The following PRTFDC1 variants were observed in gnomAD, a reference collection of about 807,000 sequenced individuals.
The protein encoded by PRTFDC1 is phosphoribosyltransferase domain-containing protein 1.
A neutral mutation model predicts 34.6 loss-of-function variants in PRTFDC1; 38 were observed. The ratio of observed to expected loss-of-function variants is 1.10; its 90% CI spans 0.85 to 1.44. The LOEUF is 1.44. Ranked by LOEUF, PRTFDC1 falls within the 40% of genes most tolerant of loss-of-function variation. PRTFDC1 has a pLI of 0.00. For synonymous variants in PRTFDC1, 93 were observed against 98.1 expected (o/e 0.95, Z 0.31); for missense variants, 270 against 283.0 (o/e 0.95, Z 0.33).
rs181998575 is a variant in PRTFDC1, at chr10:24,870,491, T to C, written c.405+1507A>G. 2.9e-4 allele frequency among the ~76,000 whole-genome samples: 44 copies of C among 152,282 alleles called. No individual in the cohort carries two copies. The East Asian group carries it at 8.1e-3, about 28-fold the overall frequency. ...CAGACTCCATAGCAAAAGCACAAGG[T>C]AAACTATTTCTTTTGTGTAATAAAC... On this transcript the variant is annotated intron_variant, in intron 4 of 8. Transcript: ENST00000320152.
intron 8 of PRTFDC1, among the ~76,000 whole-genome samples, chr10:24,850,175 A>C (rs1847459569): frequency 6.6e-6 from 1 of 152,210 alleles, no homozygotes; most frequent in Admixed American, 6.5e-5. Context: ...TGCTAGAAAC[A>C]GAAGTCTCCT....
At chr10:24,926,515 A>G (rs1848877366) in intron 3 of PRTFDC1, among the ~76,000 whole-genome samples, 1 of 152,064 alleles carries the variant, frequency 6.6e-6, no homozygotes, top group African/African-American at 2.4e-5. Flanking sequence ...TACCTGGCTA[A>G]TTTTTGTATT....
At chr10:24,931,837 G>A (rs1454567563) in intron 3 of PRTFDC1, among the ~76,000 whole-genome samples, 1 of 150,498 alleles carries the variant, frequency 6.6e-6, no homozygotes, top group East Asian at 1.9e-4. Flanking sequence ...AAAAAAAGAT[G>A]AGGAGAAAAT....
At chr10:24,923,574 A>T (rs924099537) in intron 3 of PRTFDC1, among the ~76,000 whole-genome samples, 1 of 152,242 alleles carries the variant, frequency 6.6e-6, no homozygotes, top group East Asian at 1.9e-4. Context: ...TGTTAGAAGG[A>T]AAACTAGCAA....
intron 1 of PRTFDC1, among the ~76,000 whole-genome samples, chr10:24,944,370 C>G (rs1359757602): frequency 6.6e-6 from 1 of 152,194 alleles, no homozygotes; most frequent in Non-Finnish European, 1.5e-5. Context: ...TATTCCCCCA[C>G]CCCCAGGCCA....
intron 3 of PRTFDC1, among the ~76,000 whole-genome samples, chr10:24,887,163 G>C (rs1216077738): frequency 2.0e-5 from 3 of 150,668 alleles, no homozygotes; most frequent in Admixed American, 2.0e-4. Context: ...GTAGAGACGG[G>C]GTTTCACCTT....
intron 3 of PRTFDC1, among the ~76,000 whole-genome samples, chr10:24,917,754 G>T (rs993835974): frequency 6.6e-6 from 1 of 152,096 alleles, no homozygotes; most frequent in African/African-American, 2.4e-5. Context: ...TTTCAGTGGG[G>T]GAGTCCCAAA....
chr10:24,862,058 A>G (rs1487010279), intron 4 of PRTFDC1, among the ~76,000 whole-genome samples: 1 of 152,084 alleles, frequency 6.6e-6, no homozygotes, highest in Non-Finnish European at 1.5e-5. Context: ...ATGCTTGAAA[A>G]CCAGAAAAGT....
intron 3 of PRTFDC1, among the ~76,000 whole-genome samples, chr10:24,886,013 A>T (rs961297440): frequency 2.0e-5 from 3 of 152,194 alleles, no homozygotes; most frequent in African/African-American, 4.8e-5. Flanking sequence ...GAGGAAAAAC[A>T]CAGGATTTTC....
intron 3 of PRTFDC1, among the ~76,000 whole-genome samples, chr10:24,898,204 A>C (rs1427109177): frequency 1.4e-5 from 2 of 147,322 alleles, no homozygotes; most frequent in East Asian, 4.0e-4. Flanking sequence ...TAATCTCAGC[A>C]CTCTGGGAGG....
intron 3 of PRTFDC1, among the ~76,000 whole-genome samples, chr10:24,902,846 G>A (rs1446120669): frequency 6.6e-6 from 1 of 152,158 alleles, no homozygotes; most frequent in Non-Finnish European, 1.5e-5. Flanking sequence ...ATTTTAAGAA[G>A]GTCGTGAAAG....
Position 24,937,401 on chromosome 10 carries a change from A to G in PRTFDC1, c.156-34T>C, listed in dbSNP as rs551413981. 57 of 1,557,824 alleles carry G rather than the reference A, an allele frequency of 3.7e-5. No individual in the cohort carries two copies. The East Asian group carries it at 1.1e-3, about 31-fold the overall frequency. Reference sequence around the variant, plus strand: ...AGGATAAAAGATATATTAAGGCACAACTACTTCTGAGTATTTATGTTGCTT... The same window carrying G: ...AGGATAAAAGATATATTAAGGCACAGCTACTTCTGAGTATTTATGTTGCTT... On this transcript the variant is annotated intron_variant, in intron 2 of 8. Transcript: ENST00000320152.
chr10:24,937,387 T>C lies in PRTFDC1; in HGVS notation c.156-20A>G, dbSNP rs534802205. On this transcript the variant is annotated intron_variant, in intron 2 of 8. Transcript: ENST00000320152. ...TCAATTCTGAAAGAAGGATAAAAGA[T>C]ATATTAAGGCACAACTACTTCTGAG... 6.3e-7 allele frequency: 1 copy of C among 1,595,178 alleles called. No homozygotes were observed. The highest frequency in any genetic ancestry group is 1.1e-5 in the South Asian group (1 of 88,212).
In PRTFDC1 at chr10:24,856,952, T is replaced by A. The variant is rs752705114; in HGVS notation, c.467A>T (p.Asn156Ile). ...TGRTMKALLS[N>I]IEKYKPNMIK... ...CATGTTGGGCTTGTATTTCTCTATA[T>A]TGCTGAGTAGTGCTTTCATGGTCCT... The change falls in exon 6 of 9, where the codon AAT (asparagine) becomes ATT (isoleucine). Residue 156 changes from asparagine to isoleucine, a missense_variant. Coordinates refer to ENST00000320152, the MANE Select transcript of PRTFDC1 (RefSeq NM_020200.7). The A allele has an allele frequency of 6.2e-7, 1 of 1,613,838 alleles. No individual in the cohort carries two copies. Among genetic ancestry groups the A allele is most frequent in the African/African-American group, 1.3e-5 (1 of 75,052 alleles).
intron 3 of PRTFDC1, among the ~76,000 whole-genome samples, chr10:24,887,306 C>A (rs904347997): frequency 1.4e-4 from 21 of 152,170 alleles, no homozygotes; most frequent in African/African-American, 5.1e-4. Context: ...GCCATGTCCC[C>A]ACTCAAATCT....
At chr10:24,900,687 C>T (rs984473472) in intron 3 of PRTFDC1, among the ~76,000 whole-genome samples, 2 of 152,104 alleles carry the variant, frequency 1.3e-5, no homozygotes, top group Non-Finnish European at 2.9e-5. Context: ...AAACATTCTA[C>T]AAACCAAATC....
intron 4 of PRTFDC1, among the ~76,000 whole-genome samples, chr10:24,859,610 G>T (rs528285893): frequency 1.3e-5 from 2 of 152,270 alleles, no homozygotes; most frequent in East Asian, 1.9e-4. Context: ...CCAGCACCAT[G>T]CTTCCTATAC....
At chr10:24,862,143 A>G (rs893870214) in intron 4 of PRTFDC1, among the ~76,000 whole-genome samples, 2 of 152,164 alleles carry the variant, frequency 1.3e-5, no homozygotes, top group African/African-American at 4.8e-5. Context: ...TTTAAAATAG[A>G]TTAAAGGTAT....
rs188873158 is a variant in PRTFDC1 at position 24,859,368 on chromosome 10, T to C, written c.406-959A>G. ...TCCGCTTCCCGGGTTCAATCGATTCTCCCACCTCACCTTCCCACGTGGCTG... is the reference window on the plus strand; with the variant it reads ...TCCGCTTCCCGGGTTCAATCGATTCCCCCACCTCACCTTCCCACGTGGCTG... On this transcript the variant is annotated intron_variant, in intron 4 of 8. Transcript: ENST00000320152. 2.0e-4 allele frequency among the ~76,000 whole-genome samples: 30 copies of C among 152,282 alleles called. No individual in the cohort carries two copies. The East Asian group carries it at 5.2e-3, about 26-fold the overall frequency.
Sources: gnomAD v4.1 joint callset for allele counts (sites outside exome capture counted in the v4.1 genomes callset) on GRCh38, gnomAD v4.1.1 for gene constraint, MANE v1.5 for transcripts, NCBI Gene and HGNC (gene_info 2026-07-23, HGNC 2026-07-21) for gene names.